EFCAB5: variants seen among roughly 807,000 people sequenced by gnomAD.
EFCAB5 encodes EF-hand calcium binding domain 5.
Under a neutral mutation model 167.9 loss-of-function variants are expected in EFCAB5, and 131 were observed. The observed-to-expected ratio is 0.78, with a 90% CI of 0.68 to 0.90. The LOEUF (loss-of-function observed/expected upper bound fraction) is 0.90, where lower values mean the gene tolerates loss of function less well. Among genes scored for constraint, EFCAB5 ranks in the 40% least tolerant of loss-of-function variants. The pLI is 0.00. For missense variants in EFCAB5, 1,663 were observed against 1,745.2 expected, an observed-to-expected ratio of 0.95 and a Z score of 0.84; for synonymous variants, 574 against 602.8, an observed-to-expected ratio of 0.95 and a Z score of 0.70.
At chr17:29,952,869 C>T (rs1477339793) in intron 3 of EFCAB5, among the ~76,000 whole-genome samples, 2 of 151,820 alleles carry the variant, frequency 1.3e-5, no homozygotes, top group Non-Finnish European at 2.9e-5. Context: ...ACTTGCAGGT[C>T]TTTAATATTT....
chr17:30,087,057 T>C lies in EFCAB5; in HGVS notation c.3580-6T>C, dbSNP rs749524616. 6.2e-7 allele frequency: 1 copy of C among 1,613,084 alleles called. No individual in the cohort carries two copies. Among genetic ancestry groups the C allele is most frequent in the Admixed American group, 1.7e-5 (1 of 59,984 alleles). On this transcript the variant is annotated splice_polypyrimidine_tract_variant and splice_region_variant and intron_variant, in intron 18 of 22. Transcript: ENST00000394835. ...ACTCCTAATGAAATGCCTTCCTCTT[T>C]TCAAGGATTCAGACTATGTTTTACG...
intron 3 of EFCAB5, among the ~76,000 whole-genome samples, chr17:29,951,997 T>C (rs528351605): frequency 2.0e-5 from 3 of 152,334 alleles, no homozygotes; most frequent in African/African-American, 7.2e-5. Context: ...CAAAATAGCA[T>C]AGACTGGGTA....
chr17:29,963,404 A>G lies in EFCAB5; in HGVS notation c.191-5387A>G, dbSNP rs142301045. On this transcript the variant is annotated intron_variant, in intron 3 of 22. Transcript: ENST00000394835. ...TTTGCATTCCTGAGATAAATCTGGA[A>G]AGATTTCATGTTGAAAAGGCTTTTA... Among the ~76,000 whole-genome samples, 146 of 152,338 alleles carry G rather than the reference A, an allele frequency of 9.6e-4. 2 individuals carry two copies. The Middle Eastern group carries it at 0.01, about 11-fold the overall frequency.
chr17:29,990,649 T>C (rs1403154851), intron 4 of EFCAB5, among the ~76,000 whole-genome samples: 1 of 152,190 alleles, frequency 6.6e-6, no homozygotes, highest in African/African-American at 2.4e-5. Flanking sequence ...ACCTGGTCCA[T>C]ATTGATTAAT....
chr17:30,054,251 A>C (rs1236123910), intron 10 of EFCAB5, 103 bp downstream of exon 10: 1 of 1,396,462 alleles, frequency 7.2e-7, no homozygotes, highest in Admixed American at 2.9e-5. Context: ...TTTTTCTGGC[A>C]TATCAGATCA....
intron 3 of EFCAB5, among the ~76,000 whole-genome samples, chr17:29,962,306 A>G (rs1041458644): frequency 2.0e-5 from 3 of 152,192 alleles, no homozygotes; most frequent in African/African-American, 7.2e-5. Context: ...AAGTATTCCT[A>G]TCTATGAATA....
chr17:30,034,243 A>G lies in EFCAB5; in HGVS notation c.1058A>G (p.His353Arg), dbSNP rs2069557594. ...KMEFTEYISS[H>R]IKDLKSEMFE... ...TTTCCCCTGTAGTACATCTCTTCAC[A>G]TATTAAAGACTTGAAGAGTGAAATG... Residue 353 changes from histidine (H) to arginine (R), a missense_variant, in exon 8 of 23, where the codon CAT becomes CGT. Transcript: ENST00000394835. 1 of 1,613,820 alleles carries G rather than the reference A, an allele frequency of 6.2e-7. No individual in the cohort carries two copies. Among genetic ancestry groups the G allele is most frequent in the Admixed American group, 1.7e-5 (1 of 59,994 alleles).
chr17:30,026,960 C>A (rs1309773731), intron 7 of EFCAB5, among the ~76,000 whole-genome samples: 4 of 102,110 alleles, frequency 3.9e-5, no homozygotes, highest in African/African-American at 1.3e-4. Context: ...CCTCCTTGTA[C>A]CTTTTTTTTT....
intron 3 of EFCAB5, among the ~76,000 whole-genome samples, chr17:29,947,414 A>T (rs2067425433): frequency 6.6e-6 from 1 of 152,072 alleles, no homozygotes; most frequent in Admixed American, 6.6e-5. Context: ...GAGACTCAGA[A>T]GTGGGAGGGT....
At chr17:30,104,111 G>A (rs925432886) in intron 22 of EFCAB5, among the ~76,000 whole-genome samples, 1 of 152,204 alleles carries the variant, frequency 6.6e-6, no homozygotes, top group Non-Finnish European at 1.5e-5. Flanking sequence ...GTGACTTGGG[G>A]TATGTGAAGC....
chr17:30,032,335 G>A (rs2069499965), intron 7 of EFCAB5, among the ~76,000 whole-genome samples: 1 of 152,148 alleles, frequency 6.6e-6, no homozygotes, highest in Non-Finnish European at 1.5e-5. Context: ...CAGTTCACAT[G>A]GAGGAATCTG....
intron 22 of EFCAB5, among the ~76,000 whole-genome samples, chr17:30,096,427 C>T (rs1199240857): frequency 1.3e-5 from 2 of 151,802 alleles, no homozygotes; most frequent in Non-Finnish European, 1.5e-5. Context: ...CCTGTGGTCC[C>T]AGCTACTTGG....
upstream of EFCAB5, among the ~76,000 whole-genome samples, chr17:29,939,451 C>G (rs1409929506): frequency 1.3e-5 from 2 of 152,214 alleles, no homozygotes; most frequent in African/African-American, 4.8e-5. Flanking sequence ...TCCTTTGAAG[C>G]TTTGAAGCCA....
At chr17:30,024,642 C>T (rs2069268667) in intron 7 of EFCAB5, among the ~76,000 whole-genome samples, 1 of 151,888 alleles carries the variant, frequency 6.6e-6, no homozygotes, top group Non-Finnish European at 1.5e-5. Flanking sequence ...CCATCCCCAT[C>T]AAGCTACCAA....
chr17:30,019,448 T>TC (rs1425130746), intron 7 of EFCAB5, among the ~76,000 whole-genome samples: 3 of 130,138 alleles, frequency 2.3e-5, no homozygotes, highest in African/African-American at 9.9e-5. Flanking sequence ...TCCCTCTCTC[T>TC]TTTTTTTTTT....
At chr17:30,088,265 C>T (rs1383446612) in intron 19 of EFCAB5, among the ~76,000 whole-genome samples, 3 of 152,044 alleles carry the variant, frequency 2.0e-5, no homozygotes, top group Admixed American at 6.6e-5. Flanking sequence ...TGGGACTACA[C>T]GTATTTGCTA....
At chr17:30,090,202 G>A (rs1314102446) in intron 19 of EFCAB5, among the ~76,000 whole-genome samples, 2 of 152,178 alleles carry the variant, frequency 1.3e-5, no homozygotes, top group African/African-American at 4.8e-5. Flanking sequence ...GGTCAGGGAC[G>A]CCTTCTCTGC....
intron 4 of EFCAB5, 78 bp from the exon 5 acceptor site, chr17:29,993,087 G>T: frequency 7.4e-7 from 1 of 1,353,798 alleles, no homozygotes; most frequent in African/African-American, 1.5e-5. Context: ...TTCAAAGAGA[G>T]TCTGAATTCC....
intron 4 of EFCAB5, among the ~76,000 whole-genome samples, chr17:29,977,486 A>G (rs2075117860): frequency 6.6e-6 from 1 of 152,184 alleles, no homozygotes; most frequent in African/African-American, 2.4e-5. Context: ...AATGAACCGG[A>G]AAGTAGATCT....
Sources: gnomAD v4.1 joint callset for allele counts (sites outside exome capture counted in the v4.1 genomes callset) on GRCh38, gnomAD v4.1.1 for gene constraint, MANE v1.5 for transcripts, NCBI Gene and HGNC (gene_info 2026-07-23, HGNC 2026-07-21) for gene names.